Variants in G3BP2 observed in about 807,000 individuals in gnomAD.
G3BP2 encodes the protein ras GTPase-activating protein-binding protein 2.
G3BP2 carries 11 observed loss-of-function variants against 56.7 expected under a neutral mutation model. The observed-to-expected ratio is 0.19, with a 90% CI of 0.12 to 0.32. G3BP2 has a LOEUF of 0.32. G3BP2 is among the 10% of genes least tolerant of loss of function. G3BP2 has a pLI of 1.00. For synonymous variants in G3BP2, 165 were observed against 191.6 expected, an observed-to-expected ratio of 0.86 and a Z score of 1.15; for missense variants, 340 against 610.9, an observed-to-expected ratio of 0.56 and a Z score of 4.67.
chr4:75,716,196 G>A (rs991513987), intron 3 of G3BP2, among the ~76,000 whole-genome samples: 3 of 152,158 alleles, frequency 2.0e-5, no homozygotes, highest in Non-Finnish European at 2.9e-5. Context: ...TGGAGACACA[G>A]TATTGCTCTG....
In G3BP2 at chr4:75,710,239, A is replaced by G. The variant is rs115516493; in HGVS notation, c.-25+10638T>C. 3.6e-3 allele frequency among the ~76,000 whole-genome samples: 552 copies of G among 152,242 alleles called. 5 individuals are homozygous for G. Among genetic ancestry groups the G allele is most frequent in the African/African-American group, 0.013 (529 of 41,558 alleles). On this transcript the variant is annotated intron_variant, in intron 3 of 3. Coordinates refer to the G3BP2 transcript ENST00000499709. Reference sequence around the variant, plus strand: ...TGACCTCCCAAAGTGCTGGGATTACAGATGTGAGTACCACACCCAGCCTGC... The same window carrying G: ...TGACCTCCCAAAGTGCTGGGATTACGGATGTGAGTACCACACCCAGCCTGC...
At chr4:75,675,910 C>CCT (rs546107320), upstream of G3BP2, among the ~76,000 whole-genome samples, 27 of 152,140 alleles carry the variant, frequency 1.8e-4, no homozygotes, top group Admixed American at 7.9e-4. Flanking sequence ...GTTGCATATT[C>CCT]CTCTCTCTCT....
Position 75,661,967 on chromosome 4 carries a change from TA to T in G3BP2, c.58del (p.Tyr20IlefsTer4). ...LVGREFVRQYYTLLNKAPEYL... is the reference protein window; with the variant it reads ...LVGREFVRQYXTLLNKAPEYL... ...TTCCGGAGCTTTATTCAGCAAAGTA[TA>T]ATATTGCCTCACAAACTCCCGCCCT... On this transcript the variant is annotated frameshift_variant, in exon 2 of 12. Transcript: ENST00000359707. LOFTEE classifies it high-confidence loss of function. 1 of 1,603,690 alleles carries T rather than the reference TA, an allele frequency of 6.2e-7. No homozygotes were observed. The highest frequency in any genetic ancestry group is 8.5e-7 in the Non-Finnish European group (1 of 1,170,548).
At chr4:75,649,692 A>G (rs1206038829) in intron 8 of G3BP2, among the ~76,000 whole-genome samples, 4 of 152,186 alleles carry the variant, frequency 2.6e-5, no homozygotes, top group African/African-American at 9.7e-5. Context: ...TATGGAGAAC[A>G]TGTCCTCAAC....
At chr4:75,673,431 GCC>G, upstream of G3BP2, 3 of 1,231,720 alleles carry the variant, frequency 2.4e-6, no homozygotes, top group African/African-American at 1.6e-5. Context: ...CTTTGCCACC[GCC>G]CCCTCTTATT....
At chr4:75,711,558 C>T (rs1719760234) in intron 3 of G3BP2, among the ~76,000 whole-genome samples, 1 of 151,724 alleles carries the variant, frequency 6.6e-6, no homozygotes, top group African/African-American at 2.4e-5. Flanking sequence ...ACTAAAAATA[C>T]AAAAATTAGC....
At chr4:75,702,435 G>T (rs757846027) in intron 3 of G3BP2, among the ~76,000 whole-genome samples, 1 of 152,122 alleles carries the variant, frequency 6.6e-6, no homozygotes, top group Admixed American at 6.6e-5. Context: ...GAGCCACCAC[G>T]CCTGGACCCC....
intron 2 of G3BP2, among the ~76,000 whole-genome samples, chr4:75,660,365 A>G (rs1331558517): frequency 6.6e-6 from 1 of 152,176 alleles, no homozygotes; most frequent in African/African-American, 2.4e-5. Flanking sequence ...GGGAAGATAC[A>G]TGTTAGTTAC....
intron 1 of G3BP2, among the ~76,000 whole-genome samples, chr4:75,672,213 T>C (rs1233484488): frequency 6.6e-6 from 1 of 152,016 alleles, no homozygotes; most frequent in Admixed American, 6.6e-5. Context: ...ACCCCCCAAA[T>C]CCGTTAGAAC....
At chr4:75,699,258 TCA>T in intron 3 of G3BP2, among the ~76,000 whole-genome samples, 1 of 152,310 alleles carries the variant, frequency 6.6e-6, no homozygotes, top group South Asian at 2.1e-4. Context: ...TCTCTAGCAA[TCA>T]GTCAGTTTCT....
At chr4:75,665,681 ACAC>A (rs1732984538) in intron 1 of G3BP2, among the ~76,000 whole-genome samples, 1 of 151,222 alleles carries the variant, frequency 6.6e-6, no homozygotes, top group Non-Finnish European at 1.5e-5. Flanking sequence ...ACACACACAC[ACAC>A]AGCTAAGCAA....
chr4:75,717,706 G>A (rs1719982999), intron 3 of G3BP2, among the ~76,000 whole-genome samples: 1 of 152,168 alleles, frequency 6.6e-6, no homozygotes, highest in African/African-American at 2.4e-5. Flanking sequence ...CCCTACCCTG[G>A]CTATTCAGGA....
chr4:75,645,335 G>T lies in G3BP2; in HGVS notation c.*95C>A. 2.7e-6 allele frequency: 3 copies of T among 1,096,508 alleles called. No homozygotes were observed. Among genetic ancestry groups the T allele is most frequent in the African/African-American group, 1.6e-5 (1 of 63,692 alleles). 67.9% of individuals were successfully genotyped at this position (1,096,508 alleles called of 1,614,324 possible). Reference sequence around the variant, plus strand: ...TTCACATCAAAGAAATGATCAAAAAGGCTGTGTCACATTCCAAAGCCAAAA... The same window carrying T: ...TTCACATCAAAGAAATGATCAAAAATGCTGTGTCACATTCCAAAGCCAAAA... On this transcript the variant is annotated 3_prime_UTR_variant, in exon 12 of 12. Transcript: ENST00000359707.
rs1220235661 is a variant in G3BP2, at chr4:75,650,426, C to CA, written c.826-1686dup. On this transcript the variant is annotated intron_variant, in intron 8 of 11. Coordinates refer to ENST00000359707, the MANE Select transcript of G3BP2 (RefSeq NM_203505.3). The stretch of plus-strand genomic sequence containing the variant: ...GGGCAACAAGAGAGAAACTCCATCT[C>CA]AAAAAAAAAAAAAAAAAAAGCTTCT... Among the ~76,000 whole-genome samples the CA allele has an allele frequency of 3.0e-3, 229 of 76,668 alleles. 3 individuals are homozygous for CA. Among genetic ancestry groups the CA allele is most frequent in the Middle Eastern group, 0.023 (3 of 130 alleles). 50.3% of individuals were successfully genotyped at this position (76,668 alleles called of 152,430 possible). A position where few individuals can be genotyped will look rare whatever the true frequency, so the allele number is the denominator to read the frequency against.
At chr4:75,698,055 A>G (rs1354859191) in intron 3 of G3BP2, among the ~76,000 whole-genome samples, 1 of 152,242 alleles carries the variant, frequency 6.6e-6, no homozygotes, top group Non-Finnish European at 1.5e-5. Flanking sequence ...TGGCCCTCCC[A>G]AAGGTGTCCA....
chr4:75,704,021 T>C (rs1719446281), intron 3 of G3BP2, among the ~76,000 whole-genome samples: 2 of 151,956 alleles, frequency 1.3e-5, no homozygotes, highest in South Asian at 4.1e-4. Context: ...GGTTTTTTTT[T>C]TTTTCTTTTT....
intron 3 of G3BP2, among the ~76,000 whole-genome samples, chr4:75,713,048 G>A (rs1350554533): frequency 8.5e-5 from 13 of 152,188 alleles, no homozygotes; most frequent in African/African-American, 2.4e-4. Flanking sequence ...CCATAGGTTA[G>A]AGGTGGGTAT....
chr4:75,684,634 C>A (rs1301607623), intron 3 of G3BP2, among the ~76,000 whole-genome samples: 1 of 152,100 alleles, frequency 6.6e-6, no homozygotes, highest in African/African-American at 2.4e-5. Flanking sequence ...CAGCCTCAAA[C>A]TCCTCGGTTC....
At chr4:75,698,389 C>G (rs1313868270) in intron 3 of G3BP2, among the ~76,000 whole-genome samples, 2 of 152,164 alleles carry the variant, frequency 1.3e-5, no homozygotes, top group Admixed American at 6.6e-5. Flanking sequence ...TTTCCTAGAG[C>G]CTTCAGAAGG....
Sources: allele counts gnomAD v4.1 joint callset (sites outside exome capture counted in the v4.1 genomes callset), GRCh38; gene constraint gnomAD v4.1.1; transcripts MANE v1.5; gene names NCBI Gene and HGNC (gene_info 2026-07-23, HGNC 2026-07-21).